Variants in CCSER1 observed in about 807,000 individuals in gnomAD.
CCSER1 encodes serine-rich coiled-coil domain-containing protein 1.
Under a neutral mutation model 82.0 loss-of-function variants are expected in CCSER1, and 41 were observed. The ratio of observed to expected loss-of-function variants is 0.50; its 90% confidence interval spans 0.39 to 0.65. CCSER1 has a LOEUF of 0.65. Ranked by LOEUF, CCSER1 falls within the 30% of genes least tolerant of loss-of-function variation. The pLI is 0.00. For missense variants in CCSER1, 1,119 were observed against 1,064.2 expected (o/e 1.05, Z -0.72); for synonymous variants, 414 against 383.9 (o/e 1.08, Z -0.92).
chr4:90,328,845 G>C (rs1270076225), intron 3 of CCSER1, among the ~76,000 whole-genome samples: 2 of 152,138 alleles, frequency 1.3e-5, no homozygotes, highest in African/African-American at 4.8e-5. Context: ...GTGTTGGGGA[G>C]GGGTGGGAAG....
chr4:90,318,059 A>C (rs4353865), intron 3 of CCSER1, among the ~76,000 whole-genome samples: 99,956 of 152,010 alleles, frequency 0.66, 34,366 homozygotes, highest in African/African-American at 0.86. Flanking sequence ...AGATTTACTG[A>C]CTGCCTCCTC....
Position 90,923,428 on chromosome 4 carries a change from C to G in CCSER1, c.2153C>G (p.Thr718Ser). The G allele has an allele frequency of 6.4e-7, 1 of 1,550,962 alleles. No homozygotes were observed. Among genetic ancestry groups the G allele is most frequent in the Non-Finnish European group, 8.7e-7 (1 of 1,146,394 alleles). ...FASRVDKSTQ[T>S]ELLCYDGLNL... ...TCAAGAGTAGATAAATCCACACAGACTGAACTACTATGCTATGATGTAAGT... is the reference window on the plus strand; with the variant it reads ...TCAAGAGTAGATAAATCCACACAGAGTGAACTACTATGCTATGATGTAAGT... Residue 718 changes from threonine (T) to serine (S), a missense_variant, in exon 9 of 11, where the codon ACT becomes AGT. Physicochemically the swap from Thr to Ser is moderately conservative, Grantham distance 58. Coordinates refer to ENST00000509176, the MANE Select transcript of CCSER1 (RefSeq NM_001145065.2).
chr4:90,450,179 TC>T (rs904420595), intron 4 of CCSER1, among the ~76,000 whole-genome samples: 4 of 152,154 alleles, frequency 2.6e-5, no homozygotes, highest in African/African-American at 9.7e-5. Context: ...GGAGCCATTA[TC>T]CAAGGCTCCA....
intron 1 of CCSER1, among the ~76,000 whole-genome samples, chr4:90,268,880 A>C (rs531563867): frequency 6.6e-6 from 1 of 152,260 alleles, no homozygotes; most frequent in African/African-American, 2.4e-5. Context: ...TGGAAACAAA[A>C]AAAAATAAGA....
At chr4:91,481,752 C>G (rs958555123) in intron 10 of CCSER1, among the ~76,000 whole-genome samples, 1 of 152,122 alleles carries the variant, frequency 6.6e-6, no homozygotes, top group African/African-American at 2.4e-5. Context: ...TCCTCAAAAG[C>G]ATATCATAGT....
At chr4:90,202,360 G>A (rs1329997049) in intron 1 of CCSER1, among the ~76,000 whole-genome samples, 1 of 152,010 alleles carries the variant, frequency 6.6e-6, no homozygotes, top group South Asian at 2.1e-4. Context: ...CCGTCACCAT[G>A]CCTGGCTAAC....
chr4:91,256,572 C>G (rs1037679499), intron 10 of CCSER1, among the ~76,000 whole-genome samples: 1 of 152,140 alleles, frequency 6.6e-6, no homozygotes, highest in Non-Finnish European at 1.5e-5. Flanking sequence ...TTTAAAATTT[C>G]TCCCTTTTTT....
intron 9 of CCSER1, among the ~76,000 whole-genome samples, chr4:91,075,519 A>C (rs1311659360): frequency 6.6e-6 from 1 of 152,114 alleles, no homozygotes; most frequent in African/African-American, 2.4e-5. Context: ...TGAATCTTAT[A>C]TTAATATTAA....
intron 5 of CCSER1, among the ~76,000 whole-genome samples, chr4:90,521,981 G>C (rs1311136771): frequency 6.6e-6 from 1 of 152,080 alleles, no homozygotes; most frequent in Non-Finnish European, 1.5e-5. Context: ...CTCTGTAAAT[G>C]TTTGTTGTTT....
intron 1 of CCSER1, among the ~76,000 whole-genome samples, chr4:90,192,530 C>G (rs1395214755): frequency 6.6e-6 from 1 of 152,034 alleles, no homozygotes; most frequent in Non-Finnish European, 1.5e-5. Flanking sequence ...CATTGCCGTG[C>G]AGTAGTTGTA....
intron 5 of CCSER1, among the ~76,000 whole-genome samples, chr4:90,607,290 T>A (rs979015113): frequency 6.6e-6 from 1 of 152,190 alleles, no homozygotes; most frequent in Admixed American, 6.5e-5. Flanking sequence ...ATCTTATGTG[T>A]TAAAATGTTC....
At chr4:90,152,424 TG>T (rs1461005884) in intron 1 of CCSER1, among the ~76,000 whole-genome samples, 1 of 152,046 alleles carries the variant, frequency 6.6e-6, no homozygotes, top group African/African-American at 2.4e-5. Context: ...GAGCTGAAAA[TG>T]GGGCTTGATT....
At chr4:90,622,448 G>A (rs1049645566) in intron 5 of CCSER1, among the ~76,000 whole-genome samples, 5 of 152,116 alleles carry the variant, frequency 3.3e-5, no homozygotes, top group Admixed American at 2.0e-4. Context: ...GCCCCGGTGC[G>A]TGATGTTCCC....
intron 6 of CCSER1, among the ~76,000 whole-genome samples, chr4:90,719,285 T>C (rs1742262965): frequency 6.6e-6 from 1 of 152,110 alleles, no homozygotes; most frequent in African/African-American, 2.4e-5. Flanking sequence ...TAATGCCTGA[T>C]GCTGTGTCAC....
intron 1 of CCSER1, among the ~76,000 whole-genome samples, chr4:90,146,602 A>G (rs147288034): frequency 0.029 from 4,434 of 152,208 alleles, 109 homozygotes; most frequent in South Asian, 0.06. Context: ...TTTAGTATTA[A>G]TAATTTTATT....
At chr4:90,317,127 A>G (rs935671504) in intron 3 of CCSER1, among the ~76,000 whole-genome samples, 2 of 152,226 alleles carry the variant, frequency 1.3e-5, no homozygotes, top group African/African-American at 2.4e-5. Flanking sequence ...AAATGTATAC[A>G]TGTAAGGATT....
chr4:91,435,367 T>A lies in CCSER1; in HGVS notation c.2218-163205T>A, dbSNP rs1280396843. ...GAGGTGGGAGGATAACCTGAGCCCATGAGATCACGGCTGCAGAGATTCGTG... is the reference window on the plus strand; with the variant it reads ...GAGGTGGGAGGATAACCTGAGCCCAAGAGATCACGGCTGCAGAGATTCGTG... On this transcript the variant is annotated intron_variant, in intron 10 of 10. Transcript: ENST00000509176. 2.6e-5 allele frequency among the ~76,000 whole-genome samples: 4 copies of A among 151,614 alleles called. No homozygotes were observed. The East Asian group carries it at 5.9e-4, about 22-fold the overall frequency.
intron 4 of CCSER1, among the ~76,000 whole-genome samples, chr4:90,456,120 G>T (rs995503167): frequency 6.6e-6 from 1 of 152,172 alleles, no homozygotes; most frequent in Non-Finnish European, 1.5e-5. Context: ...GGGAATTGGG[G>T]ACCTGGCCTA....
Position 91,590,200 on chromosome 4 carries a change from C to A in CCSER1, c.2218-8372C>A, listed in dbSNP as rs144890746. 2.7e-3 allele frequency among the ~76,000 whole-genome samples: 410 copies of A among 152,080 alleles called. 1 individual carries two copies. The highest frequency in any genetic ancestry group is 9.4e-3 in the African/African-American group (391 of 41,492). On this transcript the variant is annotated intron_variant, in intron 10 of 10. Transcript: ENST00000509176. ...ATGCCCACCAGTAGAATTTAGTATA[C>A]CCTAAAGAATTTAGAAGCGAGGTTG...
Sources: allele counts gnomAD v4.1 joint callset (sites outside exome capture counted in the v4.1 genomes callset), GRCh38; gene constraint gnomAD v4.1.1; transcripts MANE v1.5; gene names NCBI Gene and HGNC (gene_info 2026-07-23, HGNC 2026-07-21).